ESRRG: variants seen among roughly 807,000 people sequenced by gnomAD.
ESRRG encodes estrogen-related receptor gamma.
Under a neutral mutation model 44.0 loss-of-function variants are expected in ESRRG, and 13 were observed. The observed-to-expected ratio is 0.30, with a 90% CI of 0.19 to 0.47. ESRRG has a LOEUF of 0.47. Ranked by LOEUF, ESRRG falls within the 20% of genes least tolerant of loss-of-function variation. The pLI is 1.00. For synonymous variants in ESRRG, 215 were observed against 214.6 expected (o/e 1.00, Z -0.02); for missense variants, 395 against 580.6 (o/e 0.68, Z 3.29).
At position 217,119,886 on chromosome 1, in the gene ESRRG, C is replaced by T. The variant is rs12025768; in HGVS notation, c.-230+17781G>A. On this transcript the variant is annotated intron_variant, in intron 1 of 8. Coordinates refer to the ESRRG transcript ENST00000366940. Reference sequence around the variant, plus strand: ...ACTGGTGTGGCAGAAATTGGGTGGGCCTTGGGGCCAGTTAGATAATTTATT... The same window carrying T: ...ACTGGTGTGGCAGAAATTGGGTGGGTCTTGGGGCCAGTTAGATAATTTATT... Among the ~76,000 whole-genome samples the T allele has an allele frequency of 1.1e-3, 163 of 152,222 alleles. 3 individuals carry two copies. In the East Asian group the frequency reaches 0.023, roughly 21 times the overall value.
At chr1:217,100,593 GT>G (rs2092496244) in intron 1 of ESRRG, among the ~76,000 whole-genome samples, 1 of 152,208 alleles carries the variant, frequency 6.6e-6, no homozygotes, top group African/African-American at 2.4e-5. Context: ...AAGAAAAGAG[GT>G]TTAATTTTGG....
intron 1 of ESRRG, among the ~76,000 whole-genome samples, chr1:217,119,704 A>G (rs2092793560): frequency 2.0e-5 from 3 of 152,334 alleles, no homozygotes; most frequent in Non-Finnish European, 4.4e-5. Flanking sequence ...TTTAAAAATA[A>G]CAGAGGCATT....
intron 2 of ESRRG, among the ~76,000 whole-genome samples, chr1:216,766,212 A>T (rs897889866): frequency 6.6e-6 from 1 of 152,072 alleles, no homozygotes; most frequent in Non-Finnish European, 1.5e-5. Context: ...CCACTTTCTT[A>T]TGCTTAATCA....
At chr1:216,977,088 T>C (rs1162299838) in intron 1 of ESRRG, among the ~76,000 whole-genome samples, 2 of 152,026 alleles carry the variant, frequency 1.3e-5, no homozygotes, top group African/African-American at 2.4e-5. Context: ...TTTCAAGGTG[T>C]TTCTTTCATT....
At chr1:216,774,120 A>C (rs1243263177) in intron 2 of ESRRG, among the ~76,000 whole-genome samples, 2 of 152,082 alleles carry the variant, frequency 1.3e-5, no homozygotes, top group African/African-American at 2.4e-5. Flanking sequence ...ATTTGAACCC[A>C]AACATGGACT....
At chr1:216,596,347 G>A (rs1393260518) in intron 3 of ESRRG, among the ~76,000 whole-genome samples, 2 of 152,150 alleles carry the variant, frequency 1.3e-5, no homozygotes, top group Non-Finnish European at 2.9e-5. Context: ...AAAACAAAAA[G>A]GGCCACTGCC....
intron 1 of ESRRG, among the ~76,000 whole-genome samples, chr1:217,017,915 A>C (rs2079665898): frequency 6.6e-6 from 1 of 152,218 alleles, no homozygotes. Context: ...AAAGATATGA[A>C]TATTGACACT....
chr1:216,808,730 T>C (rs1173393134), intron 2 of ESRRG, among the ~76,000 whole-genome samples: 2 of 152,120 alleles, frequency 1.3e-5, no homozygotes, highest in Non-Finnish European at 2.9e-5. Flanking sequence ...GGCCTGAATA[T>C]AAAATTTTAA....
intron 2 of ESRRG, among the ~76,000 whole-genome samples, chr1:216,674,604 C>T (rs567918250): frequency 1.3e-4 from 18 of 138,268 alleles, no homozygotes; most frequent in South Asian, 1.2e-3. Context: ...AGAAATTGTG[C>T]TTTGGGTAAA....
intron 1 of ESRRG, among the ~76,000 whole-genome samples, chr1:217,134,322 G>A (rs1456197025): frequency 6.6e-6 from 1 of 152,134 alleles, no homozygotes; most frequent in Admixed American, 6.5e-5. Flanking sequence ...GGGCACTTTT[G>A]GGGGAATGTG....
chr1:217,077,311 T>C (rs187818637), intron 1 of ESRRG, among the ~76,000 whole-genome samples: 18 of 152,312 alleles, frequency 1.2e-4, no homozygotes, highest in African/African-American at 2.9e-4. Context: ...TATTGTTGCA[T>C]ATTAAAAATT....
At chr1:216,694,990 G>T (rs1285193057) in intron 1 of ESRRG, among the ~76,000 whole-genome samples, 1 of 152,040 alleles carries the variant, frequency 6.6e-6, no homozygotes, top group Non-Finnish European at 1.5e-5. Flanking sequence ...GGTGTTTACA[G>T]CCCAACTATG....
intron 2 of ESRRG, among the ~76,000 whole-genome samples, chr1:216,831,443 C>G (rs907092425): frequency 5.5e-5 from 8 of 145,240 alleles, no homozygotes; most frequent in African/African-American, 2.1e-4. Context: ...CTGAGGAAAA[C>G]AAGGGAAAAC....
intron 2 of ESRRG, among the ~76,000 whole-genome samples, chr1:216,659,460 G>A (rs6664862): frequency 0.21 from 31,553 of 152,122 alleles, 4,204 homozygotes; most frequent in Non-Finnish European, 0.3. Context: ...CTACCTTGGA[G>A]CACACACAGT....
intron 1 of ESRRG, among the ~76,000 whole-genome samples, chr1:216,982,412 GA>G (rs952198399): frequency 1.3e-5 from 2 of 152,158 alleles, no homozygotes; most frequent in African/African-American, 4.8e-5. Flanking sequence ...CCCATTCTTT[GA>G]TTTTTTTTCT....
intron 2 of ESRRG, among the ~76,000 whole-genome samples, chr1:216,872,239 T>C (rs922915199): frequency 1.3e-5 from 2 of 152,144 alleles, no homozygotes; most frequent in Admixed American, 6.5e-5. Context: ...TTTGTCTTTA[T>C]TTTTGTAGCA....
At chr1:216,828,846 A>C (rs2095439692) in intron 2 of ESRRG, among the ~76,000 whole-genome samples, 1 of 152,094 alleles carries the variant, frequency 6.6e-6, no homozygotes, top group Non-Finnish European at 1.5e-5. Flanking sequence ...TCTTTTATTA[A>C]CTTATCATCC....
intron 3 of ESRRG, among the ~76,000 whole-genome samples, chr1:216,607,195 C>G (rs1391678787): frequency 6.6e-6 from 1 of 152,106 alleles, no homozygotes; most frequent in African/African-American, 2.4e-5. Context: ...AAAGACAGTT[C>G]CAGCTGAATG....
intron 2 of ESRRG, among the ~76,000 whole-genome samples, chr1:216,665,551 T>C (rs1169599305): frequency 6.6e-6 from 1 of 151,894 alleles, no homozygotes; most frequent in East Asian, 1.9e-4. Flanking sequence ...TAGGGAGAAA[T>C]GAGGAGTTGT....
Sources: allele counts gnomAD v4.1 joint callset (sites outside exome capture counted in the v4.1 genomes callset), GRCh38; gene constraint gnomAD v4.1.1; transcripts MANE v1.5; gene names NCBI Gene and HGNC (gene_info 2026-07-23, HGNC 2026-07-21).